Variants in KCNIP4 observed in about 807,000 individuals in gnomAD.
The protein encoded by KCNIP4 is Kv channel-interacting protein 4.
Under a neutral mutation model 34.0 loss-of-function variants are expected in KCNIP4, and 12 were observed. The ratio of observed to expected loss-of-function variants is 0.35; its 90% CI spans 0.23 to 0.57. The LOEUF is 0.57. KCNIP4 is among the 20% of genes least tolerant of loss of function. The pLI, the probability that KCNIP4 is intolerant of heterozygous loss-of-function variation, is 0.83. For synonymous variants in KCNIP4, 124 were observed against 102.2 expected (o/e 1.21, Z -1.29); for missense variants, 238 against 311.7 (o/e 0.76, Z 1.78).
At chr4:21,811,213 A>T (rs1721630355) in intron 1 of KCNIP4, among the ~76,000 whole-genome samples, 1 of 152,196 alleles carries the variant, frequency 6.6e-6, no homozygotes, top group Admixed American at 6.5e-5. Flanking sequence ...CAAAGATCAA[A>T]CATGCTACTC....
intron 1 of KCNIP4, among the ~76,000 whole-genome samples, chr4:21,103,397 C>A (rs1748138677): frequency 6.9e-6 from 1 of 144,610 alleles, no homozygotes; most frequent in Admixed American, 7.0e-5. Flanking sequence ...TATATATCTC[C>A]AATATCTAAA....
At chr4:20,810,481 C>G (rs201120510) in intron 3 of KCNIP4, among the ~76,000 whole-genome samples, 8 of 145,696 alleles carry the variant, frequency 5.5e-5, no homozygotes, top group South Asian at 4.4e-4. Flanking sequence ...GAGAGAGAGA[C>G]AGAGAGAGAC....
rs528949841 is a variant in KCNIP4 at position 21,858,890 on chromosome 4, G to A, written c.61+89681C>T. On this transcript the variant is annotated intron_variant, in intron 1 of 8. Coordinates refer to ENST00000382152, the MANE Select transcript of KCNIP4 (RefSeq NM_025221.6). ...GTATCCTAAGATATACTCATATAGA[G>A]TATTAATTGTTTATAGTTCTTAGGC... Among the ~76,000 whole-genome samples the A allele has an allele frequency of 2.0e-5, 3 of 152,246 alleles. No homozygotes were observed. The South Asian group carries it at 6.2e-4, about 32-fold the overall frequency.
At chr4:21,808,715 G>A (rs986628961) in intron 1 of KCNIP4, among the ~76,000 whole-genome samples, 4 of 152,268 alleles carry the variant, frequency 2.6e-5, no homozygotes, top group East Asian at 1.9e-4. Context: ...TGAGGAACAC[G>A]TTAATGATAA....
chr4:20,836,905 C>T (rs1293415286), intron 3 of KCNIP4, among the ~76,000 whole-genome samples: 1 of 151,794 alleles, frequency 6.6e-6, no homozygotes, highest in Non-Finnish European at 1.5e-5. Flanking sequence ...CCATAATTTA[C>T]CCTTAAGTAA....
intron 1 of KCNIP4, among the ~76,000 whole-genome samples, chr4:21,601,569 A>G (rs1161661348): frequency 1.3e-5 from 2 of 151,908 alleles, no homozygotes; most frequent in African/African-American, 4.8e-5. Flanking sequence ...AAATAATAAG[A>G]TCATGTCAGT....
intron 1 of KCNIP4, among the ~76,000 whole-genome samples, chr4:21,929,489 T>C (rs979668486): frequency 5.3e-5 from 8 of 152,156 alleles, no homozygotes; most frequent in Non-Finnish European, 7.4e-5. Context: ...GGTACAATAG[T>C]GCACTAAAAG....
At chr4:21,021,294 G>A (rs1740009950) in intron 1 of KCNIP4, among the ~76,000 whole-genome samples, 1 of 152,190 alleles carries the variant, frequency 6.6e-6, no homozygotes, top group South Asian at 2.1e-4. Flanking sequence ...GTTGCTTTGA[G>A]TGAGTCATTA....
rs540745008 is a variant in KCNIP4, at chr4:20,946,423, C to A, written c.62-63714G>T. Among the ~76,000 whole-genome samples the A allele has an allele frequency of 3.3e-5, 5 of 152,180 alleles. No homozygotes were observed. In the South Asian group the frequency reaches 6.2e-4, roughly 19 times the overall value. Reference sequence around the variant, plus strand: ...GCCTGAGTGGTCAGATGGTGGTGAGCAAATGCAGAAGACGAGTTAGCAAGG... The same window carrying A: ...GCCTGAGTGGTCAGATGGTGGTGAGAAAATGCAGAAGACGAGTTAGCAAGG... On this transcript the variant is annotated intron_variant, in intron 1 of 8. Coordinates refer to ENST00000382152, the MANE Select transcript of KCNIP4 (RefSeq NM_025221.6).
intron 1 of KCNIP4, among the ~76,000 whole-genome samples, chr4:21,882,318 A>G (rs979400074): frequency 1.1e-4 from 16 of 152,200 alleles, no homozygotes; most frequent in Non-Finnish European, 2.2e-4. Flanking sequence ...AATTTGCTCA[A>G]GGTCACACAG....
intron 1 of KCNIP4, among the ~76,000 whole-genome samples, chr4:21,798,678 T>C (rs1184279595): frequency 6.6e-6 from 1 of 151,856 alleles, no homozygotes; most frequent in Non-Finnish European, 1.5e-5. Context: ...TTGGAGGTGA[T>C]ATAGTTTGAA....
chr4:21,489,470 C>A (rs1239165783), intron 1 of KCNIP4, among the ~76,000 whole-genome samples: 2 of 152,032 alleles, frequency 1.3e-5, no homozygotes, highest in African/African-American at 4.8e-5. Context: ...TGTTTAAAAC[C>A]TATGATGAAA....
intron 1 of KCNIP4, among the ~76,000 whole-genome samples, chr4:21,258,001 T>C (rs896236487): frequency 5.3e-5 from 8 of 152,206 alleles, no homozygotes; most frequent in African/African-American, 1.7e-4. Context: ...CTTTCTTAGC[T>C]GCTTTACTTT....
chr4:20,746,968 A>G (rs555242860), intron 5 of KCNIP4, among the ~76,000 whole-genome samples: 1 of 152,314 alleles, frequency 6.6e-6, no homozygotes, highest in South Asian at 2.1e-4. Flanking sequence ...TAGCTAATCA[A>G]TTTAGAAAAG....
chr4:21,791,162 G>A (rs541906620), intron 1 of KCNIP4, among the ~76,000 whole-genome samples: 1 of 152,172 alleles, frequency 6.6e-6, no homozygotes, highest in East Asian at 1.9e-4. Context: ...CAGCATGTTT[G>A]GGTTCTGGTG....
intron 1 of KCNIP4, among the ~76,000 whole-genome samples, chr4:21,345,516 T>A (rs907404500): frequency 4.6e-5 from 7 of 152,154 alleles, no homozygotes; most frequent in Non-Finnish European, 1.0e-4. Context: ...GCAATTCTGA[T>A]TTATTAATCA....
chr4:20,868,311 G>A (rs931536081), intron 2 of KCNIP4, among the ~76,000 whole-genome samples: 1 of 152,072 alleles, frequency 6.6e-6, no homozygotes, highest in Admixed American at 6.6e-5. Flanking sequence ...TCTCATACCA[G>A]TCAGAATGGC....
chr4:21,263,489 G>GTAGAGGGC (rs1174091278), intron 1 of KCNIP4, among the ~76,000 whole-genome samples: 2 of 152,060 alleles, frequency 1.3e-5, no homozygotes, highest in African/African-American at 4.8e-5. Flanking sequence ...AAAAGACTAA[G>GTAGAGGGC]CTTCTGGGCC....
intron 2 of KCNIP4, among the ~76,000 whole-genome samples, chr4:20,869,055 A>G (rs943035766): frequency 6.6e-6 from 1 of 152,124 alleles, no homozygotes; most frequent in African/African-American, 2.4e-5. Context: ...AATTCATAAG[A>G]TGTTACTGTG....
Sources: allele counts gnomAD v4.1 joint callset (sites outside exome capture counted in the v4.1 genomes callset), GRCh38; gene constraint gnomAD v4.1.1; transcripts MANE v1.5; gene names NCBI Gene and HGNC (gene_info 2026-07-23, HGNC 2026-07-21).